Variants in ZNF169 observed in about 807,000 individuals in gnomAD.
The protein encoded by ZNF169 is zinc finger protein 169.
A neutral mutation model predicts 12.0 loss-of-function variants in ZNF169; 11 were observed. The observed-to-expected ratio is 0.92, with a 90% CI of 0.58 to 1.52. ZNF169 has a LOEUF of 1.52. Ranked by LOEUF, ZNF169 falls within the 40% of genes most tolerant of loss-of-function variation. The pLI is 0.00. For missense variants in ZNF169, 722 were observed against 744.0 expected (o/e 0.97, Z 0.34); for synonymous variants, 302 against 286.5 (o/e 1.05, Z -0.55).
At chr9:94,261,768 ACTTCT>A (rs1317194123) in intron 1 of ZNF169, among the ~76,000 whole-genome samples, 8 of 152,320 alleles carry the variant, frequency 5.3e-5, no homozygotes, top group Non-Finnish European at 1.0e-4. Context: ...TGTGTATGAC[ACTTCT>A]CTGATGTAGT....
At chr9:94,282,463 A>T (rs1049915857) in intron 2 of ZNF169, among the ~76,000 whole-genome samples, 1 of 152,200 alleles carries the variant, frequency 6.6e-6, no homozygotes, top group African/African-American at 2.4e-5. Context: ...GATGACTTGA[A>T]CAAGAGGGGT....
intron 2 of ZNF169, among the ~76,000 whole-genome samples, chr9:94,291,560 G>A (rs577884981): frequency 5.9e-5 from 9 of 152,226 alleles, no homozygotes; most frequent in Non-Finnish European, 1.2e-4. Flanking sequence ...GATTGTCTAT[G>A]TAGAAAATCT....
intron 1 of ZNF169, among the ~76,000 whole-genome samples, chr9:94,261,665 A>C (rs1830210475): frequency 6.6e-6 from 1 of 152,196 alleles, no homozygotes; most frequent in South Asian, 2.1e-4. Flanking sequence ...TCATAGAGTG[A>C]GTTCAAATCC....
intron 1 of ZNF169, among the ~76,000 whole-genome samples, chr9:94,261,319 C>T (rs528955693): frequency 5.1e-4 from 78 of 151,814 alleles, no homozygotes; most frequent in African/African-American, 1.7e-3. Context: ...CACCGCACCC[C>T]GCTCGAGACG....
intron 1 of ZNF169, among the ~76,000 whole-genome samples, chr9:94,270,792 TA>T (rs1371228890): frequency 1.5e-5 from 1 of 67,248 alleles, no homozygotes; most frequent in African/African-American, 5.5e-5. Flanking sequence ...TAAATATATA[TA>T]AATAATATAT....
At chr9:94,269,772 T>C (rs921437050) in intron 1 of ZNF169, among the ~76,000 whole-genome samples, 4 of 152,244 alleles carry the variant, frequency 2.6e-5, no homozygotes, top group Admixed American at 2.0e-4. Flanking sequence ...TTCTAAGCTA[T>C]ATGTCTACAT....
intron 3 of ZNF169, 75 bp downstream of exon 3, chr9:94,292,542 T>G: frequency 6.4e-7 from 1 of 1,550,602 alleles, no homozygotes; most frequent in Non-Finnish European, 8.7e-7. Context: ...GCTGCCATGC[T>G]TCTGACTCAG....
intron 1 of ZNF169, among the ~76,000 whole-genome samples, chr9:94,269,455 A>G (rs1371719839): frequency 6.6e-6 from 1 of 152,152 alleles, no homozygotes; most frequent in Non-Finnish European, 1.5e-5. Context: ...CGCATGCATG[A>G]AACAGCCCTC....
chr9:94,263,864 T>G (rs1830246798), intron 1 of ZNF169, among the ~76,000 whole-genome samples: 2 of 152,026 alleles, frequency 1.3e-5, no homozygotes, highest in African/African-American at 4.8e-5. Flanking sequence ...CTAATTTAAC[T>G]TAATTCAATA....
chr9:94,270,233 G>A (rs1830365032), intron 1 of ZNF169, among the ~76,000 whole-genome samples: 1 of 152,082 alleles, frequency 6.6e-6, no homozygotes, highest in East Asian at 1.9e-4. Flanking sequence ...TCCTACCAGG[G>A]TTGTACGAGA....
chr9:94,278,687 T>A, intron 1 of ZNF169, 71 bp from the exon 2 acceptor site: 1 of 826,392 alleles, frequency 1.2e-6, no homozygotes, highest in Non-Finnish European at 1.9e-6. Context: ...CCCTACTGAA[T>A]TGGGAGGCTG....
rs374590495 is a variant in ZNF169, at chr9:94,299,800, C to T, written c.257-15C>T. On this transcript the variant is annotated splice_polypyrimidine_tract_variant and intron_variant, in intron 4 of 4. Coordinates refer to ENST00000395395, the MANE Select transcript of ZNF169 (RefSeq NM_194320.4). ...TCACCTGTGGTGATTCTGACCAAGACTTTCTCTCTAGCAGAGCCTAGAACA... is the reference window on the plus strand; with the variant it reads ...TCACCTGTGGTGATTCTGACCAAGATTTTCTCTCTAGCAGAGCCTAGAACA... 64 of 1,595,984 alleles carry T rather than the reference C, an allele frequency of 4.0e-5. No homozygotes were observed. The Middle Eastern group carries it at 5.3e-4, about 13-fold the overall frequency.
At chr9:94,265,135 T>C (rs1379189711) in intron 1 of ZNF169, among the ~76,000 whole-genome samples, 1 of 151,050 alleles carries the variant, frequency 6.6e-6, no homozygotes, top group Non-Finnish European at 1.5e-5. Context: ...AGTTGTACCA[T>C]TTTACAATCC....
At chr9:94,264,412 C>T (rs10993123) in intron 1 of ZNF169, among the ~76,000 whole-genome samples, 5,064 of 152,188 alleles carry the variant, frequency 0.033, 310 homozygotes, top group East Asian at 0.18. Flanking sequence ...AGATTACAGA[C>T]GTGAGCCACC....
rs2118646656 is a variant in ZNF169, at chr9:94,293,074, G to C, written c.256+5G>C. 2 of 1,611,684 alleles carry C rather than the reference G, an allele frequency of 1.2e-6. No homozygotes were observed. The highest frequency in any genetic ancestry group is 2.2e-5 in the East Asian group (1 of 44,862). On this transcript the variant is annotated splice_donor_5th_base_variant and intron_variant, in intron 4 of 4. Transcript: ENST00000395395. ...ATCTTCTGGACCTTTGTCCAGGTGA[G>C]TGGGAAGCCCTGGGCAAGCGAGGGT...
intron 1 of ZNF169, among the ~76,000 whole-genome samples, chr9:94,277,335 G>A (rs1830540716): frequency 6.6e-6 from 1 of 152,096 alleles, no homozygotes; most frequent in South Asian, 2.1e-4. Flanking sequence ...GACTTAAAAG[G>A]CTGCCTGGCT....
intron 2 of ZNF169, among the ~76,000 whole-genome samples, chr9:94,289,795 A>C (rs59962706): frequency 6.6e-6 from 1 of 152,050 alleles, no homozygotes; most frequent in Non-Finnish European, 1.5e-5. Flanking sequence ...GTCTCAAAAA[A>C]AAAAGCTATA....
chr9:94,280,824 G>A (rs1402928747), intron 2 of ZNF169, among the ~76,000 whole-genome samples: 4 of 152,034 alleles, frequency 2.6e-5, no homozygotes, highest in South Asian at 4.2e-4. Flanking sequence ...ACGGAAGGGC[G>A]GTTACTCAGG....
Position 94,301,322 on chromosome 9 carries a change from C to T in ZNF169, c.1764C>T (p.His588=). 6.2e-7 allele frequency: 1 copy of T among 1,614,168 alleles called. No homozygotes were observed. Among genetic ancestry groups the T allele is most frequent in the Non-Finnish European group, 8.5e-7 (1 of 1,180,012 alleles). The part of the protein sequence containing the change: ...GFSQKSHLHR[H]RRTKSGHQLL... ...GCCAGAAGTCTCACTTGCATAGACA[C>T]AGGAGGACCAAGTCTGGTCATCAGC... Residue 588 remains histidine, a synonymous_variant, in exon 5 of 5, where the codon CAC becomes CAT. Coordinates refer to ENST00000395395, the MANE Select transcript of ZNF169 (RefSeq NM_194320.4).
Sources: gnomAD v4.1 joint callset for allele counts (sites outside exome capture counted in the v4.1 genomes callset) on GRCh38, gnomAD v4.1.1 for gene constraint, MANE v1.5 for transcripts, NCBI Gene and HGNC (gene_info 2026-07-23, HGNC 2026-07-21) for gene names.